EYS: variants seen among roughly 807,000 people sequenced by gnomAD.
EYS encodes the protein EGF-like photoreceptor maintenance factor.
EYS carries 250 observed loss-of-function variants against 282.1 expected under a neutral mutation model. The ratio of observed to expected loss-of-function variants is 0.89; its 90% CI spans 0.80 to 0.98. The LOEUF is 0.98. Ranked by LOEUF, EYS falls within the 50% of genes least tolerant of loss-of-function variation. The pLI is 0.00. For synonymous variants in EYS, 1,355 were observed against 1,282.9 expected (o/e 1.06, Z -1.20); for missense variants, 4,016 against 3,709.0 (o/e 1.08, Z -2.15).
intron 26 of EYS, among the ~76,000 whole-genome samples, chr6:64,548,139 C>T (rs1176764284): frequency 6.6e-6 from 1 of 152,218 alleles, no homozygotes; most frequent in Non-Finnish European, 1.5e-5. Context: ...AAGGGCTCCT[C>T]AAGTGCTGCC....
intron 5 of EYS, among the ~76,000 whole-genome samples, chr6:65,477,082 T>C (rs915829062): frequency 3.1e-4 from 47 of 152,276 alleles, no homozygotes; most frequent in Middle Eastern, 6.8e-3. Flanking sequence ...TCTAAAACTG[T>C]CATATCACTG....
intron 29 of EYS, among the ~76,000 whole-genome samples, chr6:64,377,116 G>A (rs1772586634): frequency 6.6e-6 from 1 of 152,096 alleles, no homozygotes; most frequent in Non-Finnish European, 1.5e-5. Context: ...TGGATAGATA[G>A]ATAGATAGAT....
intron 22 of EYS, among the ~76,000 whole-genome samples, chr6:64,787,478 G>A (rs2350286): frequency 0.47 from 71,773 of 151,118 alleles, 19,186 homozygotes; most frequent in Admixed American, 0.63. Flanking sequence ...ATGTTGAAAA[G>A]CTCAGAAAAT....
At chr6:65,450,618 A>C (rs986580803) in intron 5 of EYS, among the ~76,000 whole-genome samples, 8 of 152,092 alleles carry the variant, frequency 5.3e-5, no homozygotes, top group Admixed American at 2.0e-4. Context: ...TCCCTCTTTC[A>C]GTCACAGATA....
chr6:65,166,901 A>G lies in EYS; in HGVS notation c.2024-109174T>C, dbSNP rs981506537. On this transcript the variant is annotated intron_variant, in intron 12 of 42. Coordinates refer to ENST00000503581, the MANE Select transcript of EYS (RefSeq NM_001142800.2). ...GAATTTGAAGATACAGTTCTTCCAA[A>G]GAAATACATAATATAAACAGTCAAT... Among the ~76,000 whole-genome samples, 262 of 151,380 alleles carry G rather than the reference A, an allele frequency of 1.7e-3. 3 individuals carry two copies. Among genetic ancestry groups the G allele is most frequent in the Admixed American group, 6.9e-3 (104 of 15,138 alleles).
intron 24 of EYS, among the ~76,000 whole-genome samples, chr6:64,596,620 C>T (rs1167045095): frequency 6.6e-6 from 1 of 152,046 alleles, no homozygotes; most frequent in African/African-American, 2.4e-5. Context: ...AGAATGCTAT[C>T]TTCAATAAAT....
intron 5 of EYS, among the ~76,000 whole-genome samples, chr6:65,428,612 C>A (rs1290286507): frequency 2.0e-5 from 3 of 152,066 alleles, no homozygotes; most frequent in African/African-American, 7.2e-5. Flanking sequence ...CATTAACAGA[C>A]AAGATAATGG....
At chr6:65,632,937 T>C (rs946323104) in intron 2 of EYS, among the ~76,000 whole-genome samples, 1 of 152,174 alleles carries the variant, frequency 6.6e-6, no homozygotes, top group Non-Finnish European at 1.5e-5. Context: ...GGCCCTTGAA[T>C]CTGTGTTCCA....
At chr6:64,022,408 A>G (rs1483570047) in intron 33 of EYS, among the ~76,000 whole-genome samples, 1 of 152,238 alleles carries the variant, frequency 6.6e-6, no homozygotes, top group Non-Finnish European at 1.5e-5. Context: ...GCTAAAATAT[A>G]TAACATAAAC....
intron 2 of EYS, among the ~76,000 whole-genome samples, chr6:65,597,830 G>C (rs1562279337): frequency 6.6e-6 from 1 of 152,118 alleles, no homozygotes; most frequent in South Asian, 2.1e-4. Flanking sequence ...GCCAAGCGCA[G>C]TGGCTCACAC....
intron 23 of EYS, among the ~76,000 whole-genome samples, chr6:64,622,905 G>A (rs1203785370): frequency 6.6e-6 from 1 of 152,128 alleles, no homozygotes; most frequent in Non-Finnish European, 1.5e-5. Flanking sequence ...AAATGAATCA[G>A]TCTTTGTGTT....
intron 19 of EYS, among the ~76,000 whole-genome samples, chr6:64,830,027 T>C (rs1316780279): frequency 6.6e-6 from 1 of 151,926 alleles, no homozygotes; most frequent in Non-Finnish European, 1.5e-5. Context: ...ACTGAAATGT[T>C]TGTGTTCCCC....
At chr6:65,136,014 C>A (rs1049749484) in intron 12 of EYS, among the ~76,000 whole-genome samples, 4 of 151,916 alleles carry the variant, frequency 2.6e-5, no homozygotes, top group African/African-American at 9.7e-5. Context: ...ACTTTCATGG[C>A]AGAAATAAAT....
intron 2 of EYS, among the ~76,000 whole-genome samples, chr6:65,543,515 C>T (rs572870262): frequency 1.3e-5 from 2 of 149,060 alleles, no homozygotes; most frequent in Non-Finnish European, 3.0e-5. Flanking sequence ...ATTATAGTCC[C>T]AATAGTTTTA....
At chr6:65,483,730 C>T (rs994775989) in intron 5 of EYS, among the ~76,000 whole-genome samples, 1 of 151,916 alleles carries the variant, frequency 6.6e-6, no homozygotes, top group African/African-American at 2.4e-5. Flanking sequence ...TAAGACATAC[C>T]TGAGAATGGG....
intron 22 of EYS, among the ~76,000 whole-genome samples, chr6:64,651,565 C>A (rs1768562436): frequency 6.6e-6 from 1 of 152,200 alleles, no homozygotes; most frequent in Non-Finnish European, 1.5e-5. Context: ...CGCCTGTAAT[C>A]CCATCACATC....
At chr6:63,885,077 A>G (rs1397531339) in intron 35 of EYS, among the ~76,000 whole-genome samples, 2 of 152,206 alleles carry the variant, frequency 1.3e-5, no homozygotes, top group Admixed American at 6.5e-5. Flanking sequence ...TGCAGGTTCT[A>G]AATGGAAATC....
intron 1 of EYS, among the ~76,000 whole-genome samples, chr6:65,695,646 T>C (rs1769422369): frequency 6.7e-6 from 1 of 149,744 alleles, no homozygotes; most frequent in Non-Finnish European, 1.5e-5. Flanking sequence ...TTTTTTTTTT[T>C]ACTTTGCCTA....
In EYS at chr6:64,730,260, G is replaced by T. The variant is rs148767105; in HGVS notation, c.3443+83118C>A. On this transcript the variant is annotated intron_variant, in intron 22 of 42. Transcript: ENST00000503581. ...GAATGACACTCTGCACAAAGTGAAA[G>T]AGAGGAAACAAACTTACTCTGAGAC... Among the ~76,000 whole-genome samples, 30 of 152,274 alleles carry T rather than the reference G, an allele frequency of 2.0e-4. No individual in the cohort carries two copies. In the East Asian group the frequency reaches 5.8e-3, roughly 29 times the overall value.
Sources: gnomAD v4.1 joint callset for allele counts (sites outside exome capture counted in the v4.1 genomes callset) on GRCh38, gnomAD v4.1.1 for gene constraint, MANE v1.5 for transcripts, NCBI Gene and HGNC (gene_info 2026-07-23, HGNC 2026-07-21) for gene names.